GRIP1: variants seen among roughly 807,000 people sequenced by gnomAD.
GRIP1 encodes the protein glutamate receptor interacting protein 1.
A neutral mutation model predicts 129.9 loss-of-function variants in GRIP1; 45 were observed. The ratio of observed to expected loss-of-function variants is 0.35; its 90% confidence interval spans 0.27 to 0.44. The LOEUF (loss-of-function observed/expected upper bound fraction) is 0.44, where lower values mean the gene tolerates loss of function less well. Among genes scored for constraint, GRIP1 ranks in the 20% least tolerant of loss-of-function variants. GRIP1 has a pLI of 1.00. For missense variants in GRIP1, 1,196 were observed against 1,396.8 expected (o/e 0.86, Z 2.29); for synonymous variants, 530 against 520.8 (o/e 1.02, Z -0.24).
At chr12:66,669,755 A>G (rs2033985322) in intron 1 of GRIP1, among the ~76,000 whole-genome samples, 1 of 152,164 alleles carries the variant, frequency 6.6e-6, no homozygotes, top group Admixed American at 6.5e-5. Context: ...CAGTCTACCA[A>G]CTTGATGTCA....
intron 1 of GRIP1, among the ~76,000 whole-genome samples, chr12:66,714,913 ATCCATCC>A (rs2035827100): frequency 6.7e-6 from 1 of 149,850 alleles, no homozygotes; most frequent in African/African-American, 2.5e-5. Context: ...CCATCCATCC[ATCCATCC>A]ATCCAATCCA....
chr12:66,789,800 A>G (rs1345997053), intron 1 of GRIP1, among the ~76,000 whole-genome samples: 1 of 152,162 alleles, frequency 6.6e-6, no homozygotes, highest in Non-Finnish European at 1.5e-5. Flanking sequence ...AGTTACAGTA[A>G]TTGTTTACAG....
intron 1 of GRIP1, among the ~76,000 whole-genome samples, chr12:66,818,421 T>G (rs942352174): frequency 5.9e-5 from 9 of 152,208 alleles, no homozygotes; most frequent in Admixed American, 4.6e-4. Flanking sequence ...AAGTAACAAA[T>G]GAATTCATCT....
chr12:66,634,557 T>C (rs1162162694), intron 1 of GRIP1, among the ~76,000 whole-genome samples: 1 of 152,190 alleles, frequency 6.6e-6, no homozygotes, highest in African/African-American at 2.4e-5. Context: ...AGAATCAGAA[T>C]TGGAAATGAA....
In GRIP1 at chr12:66,519,355, A is replaced by G. The variant is rs545513463; in HGVS notation, c.503-1379T>C. On this transcript the variant is annotated intron_variant, in intron 5 of 24. Coordinates refer to ENST00000359742, the MANE Select transcript of GRIP1 (RefSeq NM_001366722.1). ...AAAAATTTTAAAATAAAAATTTTAA[A>G]TGTTACCACAAATGCTTGCCCATAT... Among the ~76,000 whole-genome samples, 38 of 152,362 alleles carry G rather than the reference A, an allele frequency of 2.5e-4. 1 individual carries two copies. The highest frequency in any genetic ancestry group is 2.1e-3 in the South Asian group (10 of 4,828).
intron 1 of GRIP1, among the ~76,000 whole-genome samples, chr12:66,644,879 C>T (rs1686756434): frequency 6.6e-6 from 1 of 152,066 alleles, no homozygotes; most frequent in Non-Finnish European, 1.5e-5. Context: ...ATAAATGCCA[C>T]CTTAGTTTTG....
intron 1 of GRIP1, among the ~76,000 whole-genome samples, chr12:66,771,721 G>C (rs1349824606): frequency 6.6e-6 from 1 of 152,180 alleles, no homozygotes; most frequent in African/African-American, 2.4e-5. Context: ...GTCTCCTGCT[G>C]TTGGTTTAGA....
At chr12:66,897,963 T>C (rs767892899) in intron 1 of GRIP1, among the ~76,000 whole-genome samples, 1 of 152,142 alleles carries the variant, frequency 6.6e-6, no homozygotes, top group African/African-American at 2.4e-5. Context: ...TAATCAGTAC[T>C]GACAAGAATA....
chr12:67,006,318 AC>A (rs1251115281), intron 1 of GRIP1, among the ~76,000 whole-genome samples: 2 of 152,138 alleles, frequency 1.3e-5, no homozygotes, highest in African/African-American at 4.8e-5. Flanking sequence ...TAATACCAGC[AC>A]TTTGTGAGGC....
intron 1 of GRIP1, among the ~76,000 whole-genome samples, chr12:66,828,179 C>T (rs1452136320): frequency 2.0e-5 from 3 of 152,160 alleles, no homozygotes; most frequent in Non-Finnish European, 4.4e-5. Flanking sequence ...TTTCTACAGG[C>T]TTTAATAAAT....
At chr12:66,814,417 T>G (rs1489204398) in intron 1 of GRIP1, among the ~76,000 whole-genome samples, 3 of 152,094 alleles carry the variant, frequency 2.0e-5, no homozygotes, top group Admixed American at 6.5e-5. Context: ...TATAGCTGCT[T>G]CTTATGAAAC....
At chr12:66,877,056 C>G (rs1386955055) in intron 1 of GRIP1, among the ~76,000 whole-genome samples, 3 of 151,978 alleles carry the variant, frequency 2.0e-5, no homozygotes, top group South Asian at 4.1e-4. Context: ...TATGAGTGAG[C>G]TTGCTTCATT....
intron 19 of GRIP1, among the ~76,000 whole-genome samples, chr12:66,383,727 A>C (rs2137425114): frequency 6.6e-6 from 1 of 152,300 alleles, no homozygotes. Flanking sequence ...TGCTCATCAG[A>C]ACATTCATTC....
chr12:66,661,775 C>A (rs2033525122), intron 1 of GRIP1, among the ~76,000 whole-genome samples: 2 of 152,056 alleles, frequency 1.3e-5, no homozygotes. Flanking sequence ...TGTACAATGG[C>A]CAGTATTCTA....
chr12:66,927,008 G>A (rs1468088518), intron 1 of GRIP1, among the ~76,000 whole-genome samples: 2 of 152,280 alleles, frequency 1.3e-5, no homozygotes, highest in African/African-American at 2.4e-5. Context: ...TAGGTGCTAC[G>A]CTAAGTATTC....
chr12:66,582,909 T>A (rs2063457260), intron 2 of GRIP1, among the ~76,000 whole-genome samples: 1 of 147,894 alleles, frequency 6.8e-6, no homozygotes, highest in South Asian at 2.2e-4. Context: ...AAAACTACTT[T>A]AAAGTTCATA....
intron 1 of GRIP1, among the ~76,000 whole-genome samples, chr12:66,632,899 G>A (rs752469723): frequency 2.6e-4 from 39 of 152,102 alleles, no homozygotes; most frequent in Non-Finnish European, 2.6e-4. Flanking sequence ...AATTGGGATT[G>A]ATTCTATTTT....
At chr12:67,055,007 GT>G (rs1168957811) in intron 1 of GRIP1, among the ~76,000 whole-genome samples, 8 of 152,298 alleles carry the variant, frequency 5.3e-5, no homozygotes, top group African/African-American at 1.9e-4. Flanking sequence ...CAATGTAGAG[GT>G]TATTGGTTCT....
At chr12:66,496,637 C>T (rs938602350) in intron 7 of GRIP1, among the ~76,000 whole-genome samples, 3 of 152,142 alleles carry the variant, frequency 2.0e-5, no homozygotes, top group African/African-American at 7.2e-5. Context: ...TACTGTTAGA[C>T]TCTGGAGCTA....
Sources: allele counts gnomAD v4.1 joint callset (sites outside exome capture counted in the v4.1 genomes callset), GRCh38; gene constraint gnomAD v4.1.1; transcripts MANE v1.5; gene names NCBI Gene and HGNC (gene_info 2026-07-23, HGNC 2026-07-21).